PLEKHA2: variants seen among roughly 807,000 people sequenced by gnomAD.
PLEKHA2 encodes pleckstrin homology domain-containing family A member 2.
A neutral mutation model predicts 53.2 loss-of-function variants in PLEKHA2; 28 were observed. The ratio of observed to expected loss-of-function variants is 0.53; its 90% CI spans 0.39 to 0.72. The LOEUF is 0.72. PLEKHA2 is among the 30% of genes least tolerant of loss of function. PLEKHA2 has a pLI of 0.00. For missense variants in PLEKHA2, 426 were observed against 537.9 expected, an observed-to-expected ratio of 0.79 and a Z score of 2.06; for synonymous variants, 193 against 196.4, an observed-to-expected ratio of 0.98 and a Z score of 0.14.
chr8:38,941,432 C>A (rs1834611170), intron 3 of PLEKHA2, among the ~76,000 whole-genome samples: 1 of 152,196 alleles, frequency 6.6e-6, no homozygotes, highest in African/African-American at 2.4e-5. Context: ...GACGTAACAT[C>A]CTGTACGCAT....
intron 5 of PLEKHA2, among the ~76,000 whole-genome samples, chr8:38,949,915 C>T (rs752259906): frequency 8.5e-5 from 13 of 152,244 alleles, no homozygotes; most frequent in Non-Finnish European, 1.3e-4. Flanking sequence ...TTATACCACA[C>T]ATCTTCTGGC....
chr8:38,933,790 A>AAAAAAAAAAAAAAAAAAAAGAAAAG (rs71216697), intron 2 of PLEKHA2, among the ~76,000 whole-genome samples: 1 of 90,706 alleles, frequency 1.1e-5, no homozygotes, highest in Non-Finnish European at 2.4e-5. Context: ...AAAAAAAAAA[A>AAAAAAAAAAAAAAAAAAAAGAAAAG]AAAAGAAAAG....
chr8:38,953,494 C>T, intron 9 of PLEKHA2, 127 bp downstream of exon 9: 1 of 948,660 alleles, frequency 1.1e-6, no homozygotes, highest in Non-Finnish European at 1.6e-6. Flanking sequence ...AGGAGCCTAA[C>T]ACCTTGTGGC....
intron 10 of PLEKHA2, among the ~76,000 whole-genome samples, chr8:38,962,656 C>T (rs1425136921): frequency 6.6e-6 from 1 of 152,196 alleles, no homozygotes; most frequent in Non-Finnish European, 1.5e-5. Flanking sequence ...TCCCCATTTC[C>T]CATTCATAGA....
intron 2 of PLEKHA2, among the ~76,000 whole-genome samples, chr8:38,920,574 C>T (rs968826338): frequency 5.4e-5 from 8 of 148,116 alleles, no homozygotes; most frequent in East Asian, 4.1e-4. Context: ...TGCACCTGGC[C>T]GTTTTTTTTT....
intron 9 of PLEKHA2, among the ~76,000 whole-genome samples, chr8:38,955,898 C>T (rs375512935): frequency 1.3e-5 from 2 of 152,194 alleles, no homozygotes; most frequent in South Asian, 4.1e-4. Context: ...GCAGCCTCTG[C>T]CTCCCAGGCT....
At position 38,969,816 on chromosome 8, in the gene PLEKHA2, G is replaced by C; in HGVS notation, c.*33G>C. The stretch of plus-strand genomic sequence containing the variant: ...CAGTGCCATGGGAGGGAGGGAGGGA[G>C]GGAGGACTTGAGAGAAGGAGGCTGT... On this transcript the variant is annotated 3_prime_UTR_variant, in exon 12 of 12. Transcript: ENST00000617275. 1 of 1,541,488 alleles carries C rather than the reference G, an allele frequency of 6.5e-7. No individual in the cohort carries two copies. Among genetic ancestry groups the C allele is most frequent in the Non-Finnish European group, 8.7e-7 (1 of 1,144,554 alleles).
chr8:38,921,495 C>T (rs970564673), intron 2 of PLEKHA2, among the ~76,000 whole-genome samples: 1 of 152,206 alleles, frequency 6.6e-6, no homozygotes. Flanking sequence ...CATCTTGGAA[C>T]TTGAATATTG....
chr8:38,915,746 T>C (rs6994847), intron 1 of PLEKHA2, among the ~76,000 whole-genome samples: 124,628 of 152,194 alleles, frequency 0.82, 51,074 homozygotes, highest in African/African-American at 0.84. Flanking sequence ...CCAGAAACCC[T>C]TTGCATTTTA....
At chr8:38,918,519 C>CATACACATAT (rs1396942634) in intron 2 of PLEKHA2, among the ~76,000 whole-genome samples, 2 of 92,560 alleles carry the variant, frequency 2.2e-5, no homozygotes, top group Non-Finnish European at 4.7e-5. Flanking sequence ...ACACACCATA[C>CATACACATAT]ACACATGCAC....
chr8:38,940,734 T>C (rs1433655666), intron 3 of PLEKHA2, among the ~76,000 whole-genome samples: 2 of 151,410 alleles, frequency 1.3e-5, no homozygotes, highest in Non-Finnish European at 2.9e-5. Flanking sequence ...GTCCTCTTAC[T>C]GTGAGTTGAC....
At chr8:38,909,748 G>A (rs1833929030) in intron 1 of PLEKHA2, among the ~76,000 whole-genome samples, 1 of 152,146 alleles carries the variant, frequency 6.6e-6, no homozygotes, top group African/African-American at 2.4e-5. Flanking sequence ...GCAGGTGTCG[G>A]CCAGGAATCT....
chr8:38,943,864 C>G, intron 4 of PLEKHA2, 27 bp downstream of exon 4: 1 of 1,548,112 alleles, frequency 6.5e-7, no homozygotes, highest in Non-Finnish European at 8.7e-7. Flanking sequence ...GGGAGGGACT[C>G]ATTTAATATT....
chr8:38,961,087 A>G (rs941580245), intron 10 of PLEKHA2, among the ~76,000 whole-genome samples: 5 of 152,208 alleles, frequency 3.3e-5, no homozygotes, highest in African/African-American at 1.2e-4. Flanking sequence ...GTAGAAAACT[A>G]TTAAGCTCAT....
intron 11 of PLEKHA2, 104 bp from the exon 12 acceptor site, chr8:38,969,317 T>A (rs1306333872): frequency 3.0e-6 from 4 of 1,341,518 alleles, no homozygotes; most frequent in Non-Finnish European, 4.0e-6. Flanking sequence ...CTTGGACTTA[T>A]GAGGTGGTGA....
chr8:38,964,855 T>A (rs1338149011), intron 10 of PLEKHA2, among the ~76,000 whole-genome samples: 1 of 53,602 alleles, frequency 1.9e-5, no homozygotes, highest in Admixed American at 1.8e-4. Flanking sequence ...TACTTCCCTT[T>A]TTTTTTTTTT....
At chr8:38,908,682 A>G (rs948261745) in intron 1 of PLEKHA2, among the ~76,000 whole-genome samples, 4 of 152,240 alleles carry the variant, frequency 2.6e-5, no homozygotes, top group African/African-American at 9.6e-5. Flanking sequence ...GTATATAGGA[A>G]TATAAGAATA....
At chr8:38,966,389 C>T (rs982773095) in intron 10 of PLEKHA2, among the ~76,000 whole-genome samples, 2 of 151,896 alleles carry the variant, frequency 1.3e-5, no homozygotes, top group Non-Finnish European at 2.9e-5. Context: ...CACCAATGCA[C>T]GCGTGTGTGT....
At chr8:38,969,372 T>C (rs751604836) in intron 11 of PLEKHA2, 49 bp from the exon 12 acceptor site, 18 of 1,579,108 alleles carry the variant, frequency 1.1e-5, no homozygotes, top group Non-Finnish European at 1.5e-5. Flanking sequence ...AAACATTGTC[T>C]GAAAAGCCCT....
Sources: gnomAD v4.1 joint callset for allele counts (sites outside exome capture counted in the v4.1 genomes callset) on GRCh38, gnomAD v4.1.1 for gene constraint, MANE v1.5 for transcripts, NCBI Gene and HGNC (gene_info 2026-07-23, HGNC 2026-07-21) for gene names.